PPP4R1: variants seen among roughly 807,000 people sequenced by gnomAD.
The protein encoded by PPP4R1 is protein phosphatase 4 regulatory subunit 1.
A neutral mutation model predicts 111.2 loss-of-function variants in PPP4R1; 42 were observed. That is an observed-to-expected ratio of 0.38 (90% confidence interval 0.29 to 0.49). The LOEUF (loss-of-function observed/expected upper bound fraction) is 0.49, where lower values mean the gene tolerates loss of function less well. Among genes scored for constraint, PPP4R1 ranks in the 20% least tolerant of loss-of-function variants. The probability of loss-of-function intolerance (pLI) is 0.97; values close to 1 mark genes in which losing one functional copy is unlikely to be tolerated. For synonymous variants in PPP4R1, 409 were observed against 405.5 expected, an observed-to-expected ratio of 1.01 and a Z score of -0.10; for missense variants, 1,012 against 1,161.6, an observed-to-expected ratio of 0.87 and a Z score of 1.87.
intron 10 of PPP4R1, among the ~76,000 whole-genome samples, chr18:9,574,081 T>C (rs2066902042): frequency 1.3e-5 from 2 of 152,222 alleles, no homozygotes; most frequent in Admixed American, 6.5e-5. Context: ...CTGATATTCC[T>C]AATTGTCAGA....
intron 6 of PPP4R1, among the ~76,000 whole-genome samples, 187 bp downstream of exon 6, chr18:9,587,901 AG>A (rs1364396217): frequency 2.6e-5 from 4 of 151,096 alleles, no homozygotes; most frequent in African/African-American, 7.3e-5. Flanking sequence ...TTTTTTTGGC[AG>A]AGCCAGGTGT....
In PPP4R1 at chr18:9,614,533, T is replaced by A. The variant is rs1413182402; in HGVS notation, c.-49A>T. 3.2e-5 allele frequency: 32 copies of A among 1,003,408 alleles called. No individual in the cohort carries two copies. In the South Asian group the frequency reaches 5.9e-4, roughly 18 times the overall value. The allele number at this position is 1,003,408 out of a possible 1,614,324, so 62.2% of individuals were successfully genotyped here. Reference sequence around the variant, plus strand: ...GGCCGCCCGGGGAGCCGGGGCTACATGGAGCGGCGCGAGCCGGGGAGCCGG... The same window carrying A: ...GGCCGCCCGGGGAGCCGGGGCTACAAGGAGCGGCGCGAGCCGGGGAGCCGG... On this transcript the variant is annotated 5_prime_UTR_variant, in exon 1 of 20. The change abolishes an upstream ATG in the 5' untranslated region. Transcript: ENST00000400556. This position sits in a 1 kb window ranked among gnomAD's most constrained non-coding sequence, Gnocchi z 4.1.
chr18:9,593,667 C>T (rs1210141946), intron 4 of PPP4R1, 101 bp downstream of exon 4: 6 of 1,004,296 alleles, frequency 6.0e-6, no homozygotes, highest in Non-Finnish European at 7.3e-6. Flanking sequence ...TATTTTAAAG[C>T]TATCTCATAT....
intron 2 of PPP4R1, chr18:9,599,862 A>G (rs776295949): frequency 1.7e-4 from 26 of 151,738 alleles, no homozygotes; most frequent in Non-Finnish European, 3.4e-4. Context: ...GTGGGAAAAA[A>G]CTCCTACAGC....
In PPP4R1 at chr18:9,602,529, G is replaced by A. The variant is rs979686499; in HGVS notation, c.53-7376C>T. Among the ~76,000 whole-genome samples the A allele has an allele frequency of 1.3e-3, 184 of 142,924 alleles. 2 individuals are homozygous for A. Among genetic ancestry groups the A allele is most frequent in the African/African-American group, 4.2e-3 (160 of 38,136 alleles). 93.8% of individuals were successfully genotyped at this position (142,924 alleles called of 152,430 possible). On this transcript the variant is annotated intron_variant, in intron 2 of 19. Transcript: ENST00000400556. ...CCACTGCACTCCAGCCTGGGCGACA[G>A]AGCAAGACTCTGTCTCAAAAAAAAA...
intron 18 of PPP4R1, 182 bp downstream of exon 18, chr18:9,549,870 G>T: frequency 3.5e-6 from 3 of 853,838 alleles, no homozygotes; most frequent in Non-Finnish European, 5.3e-6. Flanking sequence ...GGCTTGGCTA[G>T]CTGGGAGAGA....
intron 13 of PPP4R1, 146 bp from the exon 14 acceptor site, chr18:9,559,750 A>T: frequency 4.0e-6 from 2 of 494,664 alleles, no homozygotes; most frequent in Non-Finnish European, 6.3e-6. Context: ...TCAAATGTTC[A>T]GGTATCTAAT....
chr18:9,555,288 T>TGA (rs1469316910), intron 15 of PPP4R1, among the ~76,000 whole-genome samples: 1 of 151,628 alleles, frequency 6.6e-6, no homozygotes, highest in African/African-American at 2.4e-5. Context: ...GGCAACAGAG[T>TGA]GAGACCCTGT....
At chr18:9,602,724 A>G (rs1421400932) in intron 2 of PPP4R1, among the ~76,000 whole-genome samples, 4 of 151,142 alleles carry the variant, frequency 2.6e-5, no homozygotes, top group Non-Finnish European at 4.4e-5. Context: ...GCTGGGCTAA[A>G]ACAGGAGAAT....
chr18:9,584,683 T>A (rs2067086752), intron 7 of PPP4R1, 38 bp downstream of exon 7: 2 of 1,606,872 alleles, frequency 1.2e-6, no homozygotes, highest in African/African-American at 2.7e-5. Flanking sequence ...ACTAGAACTA[T>A]GTTCTTAAAC....
chr18:9,595,844 T>A (rs968067934), intron 2 of PPP4R1, among the ~76,000 whole-genome samples: 1 of 152,148 alleles, frequency 6.6e-6, no homozygotes, highest in South Asian at 2.1e-4. Context: ...AAGGTAATTA[T>A]TTCAAAGGAA....
chr18:9,552,326 C>G (rs1195927700), intron 16 of PPP4R1, among the ~76,000 whole-genome samples: 2 of 152,140 alleles, frequency 1.3e-5, no homozygotes, highest in East Asian at 1.9e-4. Flanking sequence ...TAGGGAAATG[C>G]AAATCATACC....
At chr18:9,598,068 T>C (rs1228748896) in intron 2 of PPP4R1, among the ~76,000 whole-genome samples, 1 of 152,030 alleles carries the variant, frequency 6.6e-6, no homozygotes, top group African/African-American at 2.4e-5. Flanking sequence ...CAAGAGCAGA[T>C]TAAACATTAT....
At chr18:9,616,991 T>A (rs75280005), upstream of PPP4R1, among the ~76,000 whole-genome samples, 3,741 of 152,332 alleles carry the variant, frequency 0.025, 71 homozygotes, top group Non-Finnish European at 0.037. Context: ...AATATGTGTT[T>A]TTTACATTTC....
At position 9,550,380 on chromosome 18, in the gene PPP4R1, T is replaced by G. The variant is rs2066470143; in HGVS notation, c.2310A>C (p.Leu770=). 2 of 1,597,808 alleles carry G rather than the reference T, an allele frequency of 1.3e-6. No homozygotes were observed. The highest frequency in any genetic ancestry group is 1.7e-6 in the Non-Finnish European group (2 of 1,169,304). Residue 770 remains leucine (L), a synonymous_variant, in exon 17 of 20, where the codon CTA becomes CTC. Transcript: ENST00000400556. ...AELAEQLILL[L]ELYSPRDVYD... is the part of the protein sequence containing the mutation. ...AAACATCTCTGGGACTATATAACTCTAGAAGTAAAATCAGCTGTCTACAAA... is the reference window on the plus strand; with the variant it reads ...AAACATCTCTGGGACTATATAACTCGAGAAGTAAAATCAGCTGTCTACAAA...
Position 9,583,212 on chromosome 18 carries a change from A to T in PPP4R1, c.823T>A (p.Cys275Ser). The T allele has an allele frequency of 6.2e-7, 1 of 1,611,076 alleles. No individual in the cohort carries two copies. The highest frequency in any genetic ancestry group is 1.7e-4 in the Middle Eastern group (1 of 6,048). Residue 275 changes from cysteine to serine, a missense_variant, in exon 9 of 20, where the codon TGC becomes AGC. By Grantham distance (112) the Cys-to-Ser change is moderately radical. Coordinates refer to ENST00000400556, the MANE Select transcript of PPP4R1 (RefSeq NM_001042388.3). ...GTTGCACATGAAACCGCCATGAAGC[A>T]TTCAGCACAAGCCTTTCGGACTCCC... is the stretch of plus-strand genomic sequence containing the variant. The part of the protein sequence containing the change: ...VWGVRKACAE[C>S]FMAVSCATCQ...
intron 5 of PPP4R1, 58 bp downstream of exon 5, chr18:9,588,653 T>G (rs1216657209): frequency 2.1e-6 from 3 of 1,449,512 alleles, no homozygotes; most frequent in Non-Finnish European, 2.8e-6. Context: ...GGCTCGGCTA[T>G]TCTCCATATA....
intron 9 of PPP4R1, among the ~76,000 whole-genome samples, chr18:9,579,395 C>T (rs1235282684): frequency 2.0e-5 from 3 of 152,078 alleles, no homozygotes; most frequent in Non-Finnish European, 4.4e-5. Flanking sequence ...ACTTTTAATT[C>T]AATTTTAACT....
chr18:9,566,181 G>T (rs2066762027), intron 11 of PPP4R1, among the ~76,000 whole-genome samples: 1 of 151,904 alleles, frequency 6.6e-6, no homozygotes, highest in Non-Finnish European at 1.5e-5. Context: ...AAAGTTCTGG[G>T]ATTACAGGCG....
Sources: gnomAD v4.1 joint callset for allele counts (sites outside exome capture counted in the v4.1 genomes callset) on GRCh38, gnomAD v4.1.1 for gene constraint, Gnocchi (gnomAD v3.1) non-coding constraint, MANE v1.5 for transcripts, NCBI Gene and HGNC (gene_info 2026-07-23, HGNC 2026-07-21) for gene names.